Variants in STK32B observed in about 807,000 individuals in gnomAD.
The protein encoded by STK32B is serine/threonine-protein kinase 32B.
A neutral mutation model predicts 52.6 loss-of-function variants in STK32B; 43 were observed. The ratio of observed to expected loss-of-function variants is 0.82; its 90% CI spans 0.64 to 1.05. The LOEUF (loss-of-function observed/expected upper bound fraction) is 1.05. Among genes scored for constraint, STK32B ranks in the 50% least tolerant of loss-of-function variants. The pLI is 0.00. For missense variants in STK32B, 621 were observed against 534.6 expected (o/e 1.16, Z -1.59); for synonymous variants, 238 against 204.3 (o/e 1.17, Z -1.41).
rs577942416 is a variant in STK32B at position 5,396,488 on chromosome 4, G to T, written c.435-1719G>T. Among the ~76,000 whole-genome samples, 1 of 152,328 alleles carries T rather than the reference G, an allele frequency of 6.6e-6. No individual in the cohort carries two copies. The highest frequency in any genetic ancestry group is 2.4e-5 in the African/African-American group (1 of 41,572). Reference sequence around the variant, plus strand: ...CCATTCTGAAGTTCTGGGTGGACATGAATTTTGAAGGGACACCATTCAACC... The same window carrying T: ...CCATTCTGAAGTTCTGGGTGGACATTAATTTTGAAGGGACACCATTCAACC... On this transcript the variant is annotated intron_variant, in intron 4 of 11. Coordinates refer to ENST00000282908, the MANE Select transcript of STK32B (RefSeq NM_018401.3). This position sits in a 1 kb window ranked among gnomAD's most constrained non-coding sequence, Gnocchi z 4.7.
At chr4:5,239,296 T>C (rs1219780746) in intron 3 of STK32B, among the ~76,000 whole-genome samples, 2 of 152,132 alleles carry the variant, frequency 1.3e-5, no homozygotes, top group African/African-American at 2.4e-5. Context: ...GGGCAAATAA[T>C]GCATGGGTGG....
At chr4:5,260,988 T>G (rs2108844520) in intron 3 of STK32B, among the ~76,000 whole-genome samples, 2 of 152,240 alleles carry the variant, frequency 1.3e-5, no homozygotes, top group South Asian at 4.2e-4. Flanking sequence ...TATGCACCCA[T>G]GTCAATCAGC....
the STK32B span, among the ~76,000 whole-genome samples, chr4:5,033,604 G>A: frequency 6.6e-6 from 1 of 152,170 alleles, no homozygotes; most frequent in African/African-American, 2.4e-5. Context: ...TCTCCTTCAC[G>A]AGGAGGCCAT....
chr4:5,299,056 C>T (rs1729389007), intron 3 of STK32B, among the ~76,000 whole-genome samples: 1 of 151,972 alleles, frequency 6.6e-6, no homozygotes, highest in Admixed American at 6.6e-5. Flanking sequence ...AGGGAGTTAC[C>T]CAGCCCCTTC....
intron 3 of STK32B, among the ~76,000 whole-genome samples, chr4:5,194,288 T>C (rs949854220): frequency 2.6e-5 from 4 of 152,118 alleles, no homozygotes; most frequent in African/African-American, 7.3e-5. Context: ...TTTGATCATA[T>C]GTATGTTATG....
intron 2 of STK32B, among the ~76,000 whole-genome samples, chr4:5,155,584 T>A (rs1717759672): frequency 6.6e-6 from 1 of 152,156 alleles, no homozygotes; most frequent in Non-Finnish European, 1.5e-5. Flanking sequence ...CGAATTGTAA[T>A]CCCTACCTGT....
rs1008620382 is a variant in STK32B, at chr4:5,484,470, G to A, written c.1107-14475G>A. Reference sequence around the variant, plus strand: ...ATCTTCCTCCATCCCTTTATTTTGAGCCTATGTGTGTCTCTGCACGTGAGA... The same window carrying A: ...ATCTTCCTCCATCCCTTTATTTTGAACCTATGTGTGTCTCTGCACGTGAGA... On this transcript the variant is annotated intron_variant, in intron 11 of 11. Transcript: ENST00000282908. Among the ~76,000 whole-genome samples the A allele has an allele frequency of 2.0e-5, 3 of 152,052 alleles. No homozygotes were observed. The East Asian group carries it at 5.8e-4, about 29-fold the overall frequency.
chr4:5,185,448 C>T (rs1720672688), intron 3 of STK32B, among the ~76,000 whole-genome samples: 1 of 152,182 alleles, frequency 6.6e-6, no homozygotes. Flanking sequence ...TCAGAGGCTA[C>T]ATTTTAAGTG....
At chr4:5,037,953 A>AGTGT in the STK32B span, among the ~76,000 whole-genome samples, 1 of 151,936 alleles carries the variant, frequency 6.6e-6, no homozygotes, top group South Asian at 2.1e-4. Context: ...AGGGGGAGGG[A>AGTGT]GTGTGTGTTA....
At chr4:5,190,439 C>T (rs1391935998) in intron 3 of STK32B, among the ~76,000 whole-genome samples, 1 of 152,074 alleles carries the variant, frequency 6.6e-6, no homozygotes, top group Non-Finnish European at 1.5e-5. Flanking sequence ...GAGGAGTGGG[C>T]CACGTGCTTG....
rs1044142540 is a variant in STK32B at position 5,334,252 on chromosome 4, A to G, written c.434+2859A>G. 4.6e-5 allele frequency among the ~76,000 whole-genome samples: 7 copies of G among 151,110 alleles called. No individual in the cohort carries two copies. In the East Asian group the frequency reaches 7.8e-4, roughly 17 times the overall value. ...GTCTTTGAAGCAATTGTGAATGGGA[A>G]TTCACTCATGATTTGGCTCTCTGTT... On this transcript the variant is annotated intron_variant, in intron 4 of 11. Transcript: ENST00000282908.
chr4:5,373,667 C>T (rs1191346034), intron 4 of STK32B, among the ~76,000 whole-genome samples: 1 of 152,188 alleles, frequency 6.6e-6, no homozygotes, highest in East Asian at 1.9e-4. Flanking sequence ...CCCTTATCTC[C>T]CATCTGCAGG....
chr4:5,345,710 T>TA (rs1410502413), intron 4 of STK32B, among the ~76,000 whole-genome samples: 13 of 152,228 alleles, frequency 8.5e-5, no homozygotes, highest in Admixed American at 3.3e-4. Flanking sequence ...CTTGAGGGCC[T>TA]AAGCTCATAC....
intron 8 of STK32B, among the ~76,000 whole-genome samples, chr4:5,459,755 A>C (rs979836780): frequency 6.6e-6 from 1 of 152,214 alleles, no homozygotes; most frequent in African/African-American, 2.4e-5. Flanking sequence ...AAGATGAGGC[A>C]GCTAATTCTT....
At chr4:5,263,325 C>T (rs766191828) in intron 3 of STK32B, among the ~76,000 whole-genome samples, 3 of 143,550 alleles carry the variant, frequency 2.1e-5, no homozygotes, top group Non-Finnish European at 4.5e-5. Flanking sequence ...TTCACTGGGC[C>T]AGTGGTCCCA....
At chr4:5,434,446 GTGTGTGTGTATATA>G (rs1337432650) in intron 6 of STK32B, among the ~76,000 whole-genome samples, 1 of 105,280 alleles carries the variant, frequency 9.5e-6, no homozygotes, top group African/African-American at 3.4e-5. Context: ...GTGTGTGTGT[GTGTGTGTGTATATA>G]TATATATATA....
the STK32B span, among the ~76,000 whole-genome samples, chr4:5,035,339 A>T: frequency 6.6e-6 from 1 of 152,250 alleles, no homozygotes; most frequent in Non-Finnish European, 1.5e-5. Context: ...TGAGTAAATG[A>T]TTAAGAAGAT....
intron 3 of STK32B, among the ~76,000 whole-genome samples, chr4:5,176,344 C>T (rs991297973): frequency 1.3e-5 from 2 of 152,118 alleles, no homozygotes; most frequent in Non-Finnish European, 1.5e-5. Flanking sequence ...GTGAGATGAA[C>T]CCGGTACCTC....
chr4:5,488,746 A>G (rs545340364), intron 11 of STK32B, among the ~76,000 whole-genome samples: 1 of 152,264 alleles, frequency 6.6e-6, no homozygotes, highest in East Asian at 1.9e-4. Flanking sequence ...CTTCCTTAGC[A>G]AAAATTTATC....
Sources: gnomAD v4.1 joint callset for allele counts (sites outside exome capture counted in the v4.1 genomes callset) on GRCh38, gnomAD v4.1.1 for gene constraint, Gnocchi (gnomAD v3.1) non-coding constraint, MANE v1.5 for transcripts, NCBI Gene and HGNC (gene_info 2026-07-23, HGNC 2026-07-21) for gene names.